The following SLC26A7 variants were observed in gnomAD, a reference collection of about 807,000 sequenced individuals.
SLC26A7 encodes solute carrier family 26 member 7, also known as anion exchange transporter.
SLC26A7 carries 59 observed loss-of-function variants against 82.5 expected under a neutral mutation model. The observed-to-expected ratio is 0.72, with a 90% CI of 0.58 to 0.89. The LOEUF is 0.89. Ranked by LOEUF, SLC26A7 falls within the 40% of genes least tolerant of loss-of-function variation. The probability of loss-of-function intolerance (pLI) is 0.00; values close to 1 mark genes in which losing one functional copy is unlikely to be tolerated. For synonymous variants in SLC26A7, 271 were observed against 274.3 expected (o/e 0.99, Z 0.12); for missense variants, 820 against 793.0 (o/e 1.03, Z -0.41).
At chr8:91,281,648 G>A (rs1276743813) in intron 2 of SLC26A7, among the ~76,000 whole-genome samples, 1 of 152,116 alleles carries the variant, frequency 6.6e-6, no homozygotes, top group East Asian at 1.9e-4. Flanking sequence ...AGTTTCCCAA[G>A]CCACTGGATC....
rs148804258 is a variant in SLC26A7, at chr8:91,347,877, C to G, written c.1141-3933C>G. Among the ~76,000 whole-genome samples the G allele has an allele frequency of 4.4e-3, 664 of 152,296 alleles. 8 individuals are homozygous for G. Among genetic ancestry groups the G allele is most frequent in the African/African-American group, 0.015 (621 of 41,574 alleles). Reference sequence around the variant, plus strand: ...TTTGTGGCACAGCTTAGACAAATAGCACAAAAAAATTACATTTCTTCCTTT... The same window carrying G: ...TTTGTGGCACAGCTTAGACAAATAGGACAAAAAAATTACATTTCTTCCTTT... On this transcript the variant is annotated intron_variant, in intron 9 of 18. Coordinates refer to ENST00000276609, the MANE Select transcript of SLC26A7 (RefSeq NM_052832.4).
At chr8:91,387,266 AG>A (rs1814826202) in intron 15 of SLC26A7, among the ~76,000 whole-genome samples, 1 of 152,240 alleles carries the variant, frequency 6.6e-6, no homozygotes, top group East Asian at 1.9e-4. Context: ...TATAAATAAA[AG>A]CCTCTGCATT....
intron 15 of SLC26A7, among the ~76,000 whole-genome samples, chr8:91,370,483 T>C (rs983952206): frequency 6.6e-6 from 1 of 152,054 alleles, no homozygotes; most frequent in South Asian, 2.1e-4. Context: ...TTTGAATACA[T>C]TTTGGATCTC....
chr8:91,256,784 A>G (rs988552278), intron 2 of SLC26A7, among the ~76,000 whole-genome samples: 1 of 152,166 alleles, frequency 6.6e-6, no homozygotes, highest in Non-Finnish European at 1.5e-5. Context: ...TGTTACATAA[A>G]TTATTTCAAA....
chr8:91,257,118 G>T (rs1165224127), intron 2 of SLC26A7, among the ~76,000 whole-genome samples: 2 of 152,058 alleles, frequency 1.3e-5, no homozygotes, highest in African/African-American at 4.8e-5. Flanking sequence ...GAGCTTTGCT[G>T]GTGAGAAGCA....
intron 13 of SLC26A7, among the ~76,000 whole-genome samples, chr8:91,365,410 A>G (rs909299585): frequency 6.6e-5 from 10 of 152,366 alleles, no homozygotes; most frequent in African/African-American, 1.9e-4. Context: ...TGTGGCTCAC[A>G]GGCCATGGGT....
chr8:91,304,442 C>T (rs1812248753), intron 4 of SLC26A7, among the ~76,000 whole-genome samples: 1 of 152,158 alleles, frequency 6.6e-6, no homozygotes, highest in Non-Finnish European at 1.5e-5. Flanking sequence ...GCTTGCTTCC[C>T]CTTTGCCCTT....
chr8:91,215,105 C>T (rs964183460), intron 1 of SLC26A7, among the ~76,000 whole-genome samples: 2 of 152,068 alleles, frequency 1.3e-5, no homozygotes, highest in Non-Finnish European at 2.9e-5. Context: ...CCTAGGTAGT[C>T]CAGGGTAACT....
chr8:91,344,337 G>A (rs186354803), intron 9 of SLC26A7: 32 of 297,966 alleles, frequency 1.1e-4, no homozygotes, highest in African/African-American at 7.0e-4. Flanking sequence ...TTCAAAACTT[G>A]GATACACAAG....
Position 91,395,043 on chromosome 8 carries a change from T to C in SLC26A7, c.1936-19T>C, listed in dbSNP as rs1409736320. 1.2e-6 allele frequency: 2 copies of C among 1,612,702 alleles called. No homozygotes were observed. The highest frequency in any genetic ancestry group is 1.7e-6 in the Non-Finnish European group (2 of 1,178,900). On this transcript the variant is annotated intron_variant, in intron 18 of 18. Coordinates refer to ENST00000276609, the MANE Select transcript of SLC26A7 (RefSeq NM_052832.4). The stretch of plus-strand genomic sequence containing the variant: ...GTTGAGTAAATAGCACATACTTACT[T>C]CTTCCTCTGGTATTTCAGAATTTGA...
At chr8:91,356,549 A>G (rs1229568256) in intron 11 of SLC26A7, among the ~76,000 whole-genome samples, 1 of 152,138 alleles carries the variant, frequency 6.6e-6, no homozygotes, top group Non-Finnish European at 1.5e-5. Context: ...GTCTGTTCAT[A>G]TCCTTCACCC....
At chr8:91,334,565 A>G in intron 6 of SLC26A7, 118 bp downstream of exon 6, 1 of 831,916 alleles carries the variant, frequency 1.2e-6, no homozygotes, top group Non-Finnish European at 1.7e-6. Flanking sequence ...GTCTCTCATT[A>G]AAGCAGGGCT....
chr8:91,316,782 C>A (rs1486627278), intron 4 of SLC26A7, among the ~76,000 whole-genome samples: 1 of 151,398 alleles, frequency 6.6e-6, no homozygotes, highest in African/African-American at 2.4e-5. Context: ...TGAGTTTACA[C>A]AGATGCATTA....
chr8:91,267,910 C>T lies in SLC26A7; in HGVS notation c.193+18066C>T, dbSNP rs534333167. On this transcript the variant is annotated intron_variant, in intron 2 of 18. Coordinates refer to ENST00000276609, the MANE Select transcript of SLC26A7 (RefSeq NM_052832.4). ...GCTATAAACTTCTCTCTTAGAACTG[C>T]TTTTGCTGTATCCTACAGGTTTTGG... is the stretch of plus-strand genomic sequence containing the variant. 2.3e-3 allele frequency among the ~76,000 whole-genome samples: 350 copies of T among 151,812 alleles called. 1 individual carries two copies. Among genetic ancestry groups the T allele is most frequent in the African/African-American group, 7.9e-3 (329 of 41,484 alleles).
rs538018974 is a variant in SLC26A7 at position 91,391,201 on chromosome 8, G to A, written c.1776+1763G>A. Among the ~76,000 whole-genome samples, 17 of 152,198 alleles carry A rather than the reference G, an allele frequency of 1.1e-4. No individual in the cohort carries two copies. In the East Asian group the frequency reaches 1.9e-3, roughly 17 times the overall value. ...TAGTGTTGCTTTCCTGTGAAGATACGGGTGGGAGTGTGTGTAGGGGAATTG... is the reference window on the plus strand; with the variant it reads ...TAGTGTTGCTTTCCTGTGAAGATACAGGTGGGAGTGTGTGTAGGGGAATTG... On this transcript the variant is annotated intron_variant, in intron 16 of 18. Coordinates refer to ENST00000276609, the MANE Select transcript of SLC26A7 (RefSeq NM_052832.4).
chr8:91,300,677 G>A (rs1188310950), intron 4 of SLC26A7, among the ~76,000 whole-genome samples: 7 of 152,200 alleles, frequency 4.6e-5, no homozygotes, highest in African/African-American at 1.2e-4. Flanking sequence ...GATTACAGGC[G>A]TGAGCCACCG....
At chr8:91,377,904 C>G (rs757194711) in intron 15 of SLC26A7, among the ~76,000 whole-genome samples, 1 of 151,950 alleles carries the variant, frequency 6.6e-6, no homozygotes, top group Non-Finnish European at 1.5e-5. Context: ...TAGGACATGC[C>G]CATTCACCAA....
At chr8:91,389,506 T>A in intron 16 of SLC26A7, 68 bp downstream of exon 16, 3 of 1,077,594 alleles carry the variant, frequency 2.8e-6, no homozygotes, top group Non-Finnish European at 4.3e-6. Flanking sequence ...TTTCACCACC[T>A]TCTCTCCATA....
rs144116317 is a variant in SLC26A7, at chr8:91,317,046, G to C, written c.478-1170G>C. On this transcript the variant is annotated intron_variant, in intron 4 of 18. Coordinates refer to ENST00000276609, the MANE Select transcript of SLC26A7 (RefSeq NM_052832.4). ...AGCCAGGCATTTGTCTGTAGTCACA[G>C]CTATTCAGGAGGCTAAAATGGGAGG... Among the ~76,000 whole-genome samples, 197 of 134,676 alleles carry C rather than the reference G, an allele frequency of 1.5e-3. 1 individual carries two copies. The Middle Eastern group carries it at 0.029, about 20-fold the overall frequency. The allele number at this position is 134,676 out of a possible 152,430, so 88.4% of individuals were successfully genotyped here.
Sources: gnomAD v4.1 joint callset for allele counts (sites outside exome capture counted in the v4.1 genomes callset) on GRCh38, gnomAD v4.1.1 for gene constraint, MANE v1.5 for transcripts, NCBI Gene and HGNC (gene_info 2026-07-23, HGNC 2026-07-21) for gene names.